UGT1A6: variants seen among roughly 807,000 people sequenced by gnomAD.
UGT1A6 encodes UDP-glucuronosyltransferase 1A6.
UGT1A6 carries 32 observed loss-of-function variants against 44.4 expected under a neutral mutation model. The observed-to-expected ratio is 0.72, with a 90% CI of 0.54 to 0.97. The LOEUF is 0.97. Ranked by LOEUF, UGT1A6 falls within the 50% of genes least tolerant of loss-of-function variation. UGT1A6 has a pLI of 0.00. For synonymous variants in UGT1A6, 238 were observed against 248.5 expected (o/e 0.96, Z 0.40); for missense variants, 685 against 661.9 (o/e 1.03, Z -0.38).
intron 1 of UGT1A6, among the ~76,000 whole-genome samples, chr2:233,759,584 C>T (rs1003659930): frequency 4.0e-5 from 6 of 149,692 alleles, no homozygotes; most frequent in Non-Finnish European, 3.0e-5. Flanking sequence ...TACCCCAGCA[C>T]GCCCCCCACC....
Position 233,772,276 on chromosome 2 carries a change from T to C in UGT1A6, c.1316T>C (p.Ile439Thr). 6.2e-7 allele frequency: 1 copy of C among 1,614,240 alleles called. No homozygotes were observed. The highest frequency in any genetic ancestry group is 8.5e-7 in the Non-Finnish European group (1 of 1,180,050). ...VINDKSYKEN[I>T]MRLSSLHKDR... ...TTTGTGTTTAGTTACAAGGAGAACA[T>C]CATGCGCCTCTCCAGCCTTCACAAG... The change falls in exon 5 of 5, where the codon ATC (isoleucine) becomes ACC (threonine). Residue 439 changes from isoleucine to threonine, a missense_variant. By Grantham distance (89) the Ile-to-Thr change is moderately conservative. Coordinates refer to ENST00000305139, the MANE Select transcript of UGT1A6 (RefSeq NM_001072.4).
chr2:233,702,967 T>A (rs28899180), intron 1 of UGT1A6, among the ~76,000 whole-genome samples: 1,929 of 152,294 alleles, frequency 0.013, 44 homozygotes, highest in African/African-American at 0.043. Flanking sequence ...ACTGGCCTTG[T>A]AGAAGAAACT....
At chr2:233,733,652 A>C (rs2078424412) in intron 1 of UGT1A6, among the ~76,000 whole-genome samples, 1 of 152,240 alleles carries the variant, frequency 6.6e-6, no homozygotes, top group Non-Finnish European at 1.5e-5. Flanking sequence ...CCCAAGGATG[A>C]AGCCGACTTG....
chr2:233,762,242 T>C (rs1400660032), intron 1 of UGT1A6, among the ~76,000 whole-genome samples: 1 of 152,116 alleles, frequency 6.6e-6, no homozygotes, highest in Non-Finnish European at 1.5e-5. Flanking sequence ...AGGCACAGAA[T>C]AGGCACCCAC....
chr2:233,746,540 T>G (rs1172057692), intron 1 of UGT1A6, among the ~76,000 whole-genome samples: 2 of 151,806 alleles, frequency 1.3e-5, no homozygotes, highest in Admixed American at 6.5e-5. Context: ...TGCCCTGCTG[T>G]GTGACTTCTT....
chr2:233,732,318 G>A (rs1386419482), intron 1 of UGT1A6, among the ~76,000 whole-genome samples: 3 of 152,170 alleles, frequency 2.0e-5, no homozygotes, highest in African/African-American at 7.2e-5. Flanking sequence ...GTCTATTTTG[G>A]CTTTTGTTGC....
intron 1 of UGT1A6, among the ~76,000 whole-genome samples, chr2:233,694,463 G>A (rs1428276750): frequency 6.6e-6 from 1 of 152,180 alleles, no homozygotes; most frequent in African/African-American, 2.4e-5. Flanking sequence ...TTCAGCAAAA[G>A]GGGTATGGCC....
chr2:233,704,256 CTTT>C (rs59925871), intron 1 of UGT1A6, among the ~76,000 whole-genome samples: 4 of 123,652 alleles, frequency 3.2e-5, no homozygotes, highest in Non-Finnish European at 4.9e-5. Flanking sequence ...GCCTTTATTG[CTTT>C]TTTTTTTTTT....
intron 1 of UGT1A6, chr2:233,743,944 C>A: frequency 7.4e-7 from 1 of 1,351,520 alleles, no homozygotes; most frequent in Non-Finnish European, 9.9e-7. Context: ...GCCCACCAGG[C>A]ACTGGCACAG....
At chr2:233,768,098 G>A in intron 3 of UGT1A6, 122 bp from the exon 4 acceptor site, 1 of 1,590,736 alleles carries the variant, frequency 6.3e-7, no homozygotes, top group Non-Finnish European at 8.6e-7. Context: ...ATTTTCTTCT[G>A]CAAATTTCTG....
chr2:233,753,915 A>G (rs890179802), intron 1 of UGT1A6, among the ~76,000 whole-genome samples: 2 of 152,336 alleles, frequency 1.3e-5, no homozygotes, highest in African/African-American at 4.8e-5. Context: ...CACCGATTTC[A>G]GCTCAGTGAT....
Position 233,746,417 on chromosome 2 carries a change from CT to C in UGT1A6, c.862-20616del, listed in dbSNP as rs747591279. 3.3e-5 allele frequency among the ~76,000 whole-genome samples: 5 copies of C among 151,706 alleles called. No homozygotes were observed. The South Asian group carries it at 1.0e-3, about 32-fold the overall frequency. ...AGCTGGGAGTGTGTCCAATGGTGAC[CT>C]ATTAACTTATGTCTTCAGCTTAAAA... On this transcript the variant is annotated intron_variant, in intron 1 of 4. Transcript: ENST00000305139.
At chr2:233,697,583 G>T in intron 1 of UGT1A6, among the ~76,000 whole-genome samples, 1 of 146,206 alleles carries the variant, frequency 6.8e-6, no homozygotes, top group Non-Finnish European at 1.5e-5. Flanking sequence ...TTTTTTCCCT[G>T]ATCTTTATTA....
rs2078696404 is a variant in UGT1A6 at position 233,735,803 on chromosome 2, A to G, written c.862-31231A>G. ...TGGCTGCATATGAATTTCTGGGTTG[A>G]AAATTCTTTTCTTTAAGAATGTTGA... On this transcript the variant is annotated intron_variant, in intron 1 of 4. Transcript: ENST00000305139. 2.0e-5 allele frequency among the ~76,000 whole-genome samples: 3 copies of G among 152,192 alleles called. No individual in the cohort carries two copies. The South Asian group carries it at 6.2e-4, about 31-fold the overall frequency.
rs2076338429 is a variant in UGT1A6 at position 233,713,673 on chromosome 2, T to C, written c.861+19808T>C. The C allele has an allele frequency of 1.4e-5, 22 of 1,613,890 alleles. No individual in the cohort carries two copies. The East Asian group carries it at 4.9e-4, about 36-fold the overall frequency. On this transcript the variant is annotated intron_variant, in intron 1 of 4. Transcript: ENST00000305139. Reference sequence around the variant, plus strand: ...CCTGTCCTACCTTTGCCATGCTGTTTCTGCTCCTTATGCAAGCCTTGCCTC... The same window carrying C: ...CCTGTCCTACCTTTGCCATGCTGTTCCTGCTCCTTATGCAAGCCTTGCCTC...
chr2:233,733,736 T>C (rs558044026), intron 1 of UGT1A6, among the ~76,000 whole-genome samples: 3 of 152,366 alleles, frequency 2.0e-5, no homozygotes, highest in African/African-American at 7.2e-5. Context: ...TTTGCATCGA[T>C]GTTCATCAGG....
intron 1 of UGT1A6, chr2:233,747,490 T>G: frequency 6.2e-7 from 1 of 1,609,038 alleles, no homozygotes; most frequent in Non-Finnish European, 8.5e-7. Flanking sequence ...GATCGCCTTG[T>G]GCTGGGCCAC....
chr2:233,730,084 A>C (rs962499834), intron 1 of UGT1A6: 1 of 1,601,106 alleles, frequency 6.2e-7, no homozygotes, highest in Admixed American at 1.7e-5. Context: ...ATATTTACTT[A>C]TCTTTCCAAA....
chr2:233,767,929 T>C lies in UGT1A6; in HGVS notation c.1074T>C (p.Asp358=). 3.1e-6 allele frequency: 5 copies of C among 1,614,196 alleles called. No individual in the cohort carries two copies. Among genetic ancestry groups the C allele is most frequent in the Non-Finnish European group, 3.4e-6 (4 of 1,180,048 alleles). ...TILVKWLPQN[D]LLGHPMTRAF... is the part of the protein sequence containing the mutation. ...TTGTTAAGTGGCTACCCCAAAACGATCTGCTTGGTATGTTGGGCGGATTGG... is the reference window on the plus strand; with the variant it reads ...TTGTTAAGTGGCTACCCCAAAACGACCTGCTTGGTATGTTGGGCGGATTGG... Residue 358 remains aspartate, a synonymous_variant, in exon 3 of 5, where the codon GAT becomes GAC. Transcript: ENST00000305139.
Sources: allele counts gnomAD v4.1 joint callset (sites outside exome capture counted in the v4.1 genomes callset), GRCh38; gene constraint gnomAD v4.1.1; transcripts MANE v1.5; gene names NCBI Gene and HGNC (gene_info 2026-07-23, HGNC 2026-07-21).